GALNTL6: variants seen among roughly 807,000 people sequenced by gnomAD.
GALNTL6 encodes the protein polypeptide N-acetylgalactosaminyltransferase-like 6.
A neutral mutation model predicts 73.7 loss-of-function variants in GALNTL6; 46 were observed. The ratio of observed to expected loss-of-function variants is 0.62; its 90% CI spans 0.49 to 0.80. GALNTL6 has a LOEUF of 0.80. GALNTL6 is among the 30% of genes least tolerant of loss of function. The probability of loss-of-function intolerance (pLI) is 0.00; values close to 1 mark genes in which losing one functional copy is unlikely to be tolerated. For synonymous variants in GALNTL6, 259 were observed against 263.7 expected, an observed-to-expected ratio of 0.98 and a Z score of 0.17; for missense variants, 604 against 755.0, an observed-to-expected ratio of 0.80 and a Z score of 2.34.
intron 2 of GALNTL6, among the ~76,000 whole-genome samples, chr4:172,023,314 T>C (rs1039945779): frequency 6.6e-6 from 1 of 151,742 alleles, no homozygotes; most frequent in African/African-American, 2.4e-5. Flanking sequence ...TTGGCAAATA[T>C]AAAATAATGC....
At chr4:172,675,562 G>A (rs1370366247) in intron 5 of GALNTL6, among the ~76,000 whole-genome samples, 1 of 152,174 alleles carries the variant, frequency 6.6e-6, no homozygotes, top group African/African-American at 2.4e-5. Flanking sequence ...TGCCCCACAA[G>A]CAAGAATGAT....
intron 2 of GALNTL6, among the ~76,000 whole-genome samples, chr4:171,929,083 T>A (rs891057134): frequency 2.0e-5 from 3 of 152,184 alleles, no homozygotes; most frequent in Non-Finnish European, 2.9e-5. Flanking sequence ...TTATTATTTT[T>A]GAGATAAAGT....
chr4:172,778,200 G>C (rs944070560), intron 5 of GALNTL6, among the ~76,000 whole-genome samples: 18 of 152,214 alleles, frequency 1.2e-4, no homozygotes, highest in Admixed American at 3.3e-4. Flanking sequence ...CTATTTAACA[G>C]AGACATCTTT....
At chr4:172,735,875 T>C (rs1736429315) in intron 5 of GALNTL6, among the ~76,000 whole-genome samples, 1 of 152,024 alleles carries the variant, frequency 6.6e-6, no homozygotes, top group Non-Finnish European at 1.5e-5. Context: ...TACAGCTGGG[T>C]CTCCAGGGGT....
chr4:172,635,456 A>G (rs1739625132), intron 5 of GALNTL6, among the ~76,000 whole-genome samples: 1 of 152,082 alleles, frequency 6.6e-6, no homozygotes, highest in Non-Finnish European at 1.5e-5. Flanking sequence ...TGGGTTTTTT[A>G]TCAAGGCAAG....
chr4:172,103,319 G>GT (rs770117756), intron 2 of GALNTL6, among the ~76,000 whole-genome samples: 1 of 152,144 alleles, frequency 6.6e-6, no homozygotes, highest in East Asian at 1.9e-4. Flanking sequence ...ATTTTATGTC[G>GT]TATTAATCTA....
At chr4:172,769,000 C>T (rs369473477) in intron 5 of GALNTL6, among the ~76,000 whole-genome samples, 10 of 151,736 alleles carry the variant, frequency 6.6e-5, no homozygotes, top group African/African-American at 1.5e-4. Flanking sequence ...TTTGCTGGTC[C>T]GCAAACAGAT....
At chr4:171,929,788 C>G (rs921889256) in intron 2 of GALNTL6, among the ~76,000 whole-genome samples, 8 of 152,338 alleles carry the variant, frequency 5.3e-5, no homozygotes, top group Non-Finnish European at 1.2e-4. Context: ...CAGCAGCCAC[C>G]CAGTCCCATG....
At chr4:172,084,818 A>G (rs1731978905) in intron 2 of GALNTL6, among the ~76,000 whole-genome samples, 1 of 152,182 alleles carries the variant, frequency 6.6e-6, no homozygotes, top group African/African-American at 2.4e-5. Flanking sequence ...ATTTACATTT[A>G]CTAAAATATG....
chr4:172,369,042 T>C (rs572094507), intron 5 of GALNTL6, among the ~76,000 whole-genome samples: 25 of 152,284 alleles, frequency 1.6e-4, no homozygotes, highest in African/African-American at 5.8e-4. Context: ...CCTGAGCAGG[T>C]TGCCACTGCA....
At chr4:171,933,285 T>C (rs1738243005) in intron 2 of GALNTL6, among the ~76,000 whole-genome samples, 1 of 152,208 alleles carries the variant, frequency 6.6e-6, no homozygotes, top group Admixed American at 6.5e-5. Context: ...AATAAGAATA[T>C]TTCTGTTTTT....
At chr4:172,582,583 G>A (rs961480612) in intron 5 of GALNTL6, among the ~76,000 whole-genome samples, 5 of 152,156 alleles carry the variant, frequency 3.3e-5, no homozygotes, top group East Asian at 1.9e-4. Context: ...GAGTTAATAT[G>A]TATAATGCAC....
intron 12 of GALNTL6, among the ~76,000 whole-genome samples, chr4:173,027,762 T>C (rs1401789962): frequency 6.6e-6 from 1 of 152,162 alleles, no homozygotes; most frequent in Non-Finnish European, 1.5e-5. Context: ...AATAAAACAG[T>C]CCATTCGTAG....
chr4:172,830,358 G>A (rs990450842), intron 7 of GALNTL6, among the ~76,000 whole-genome samples: 8 of 152,182 alleles, frequency 5.3e-5, no homozygotes, highest in African/African-American at 1.9e-4. Flanking sequence ...AGGCCAGAAT[G>A]GGACTGCTAT....
At chr4:172,019,836 C>T (rs1374500006) in intron 2 of GALNTL6, among the ~76,000 whole-genome samples, 2 of 152,188 alleles carry the variant, frequency 1.3e-5, no homozygotes, top group East Asian at 1.9e-4. Context: ...TAGATATTTA[C>T]AGAACATTTC....
At position 173,041,391 on chromosome 4, in the gene GALNTL6, A is replaced by T. The variant is rs1458822921; in HGVS notation, c.*1291A>T. On this transcript the variant is annotated 3_prime_UTR_variant, in exon 13 of 13. Coordinates refer to ENST00000506823, the MANE Select transcript of GALNTL6 (RefSeq NM_001034845.3). ...TAAAGCAATTTTTTACTGTTCAATA[A>T]TATCACATTGGGGGAAGAAAACACA... 1.3e-5 allele frequency: 2 copies of T among 152,144 alleles called. No individual in the cohort carries two copies. Among genetic ancestry groups the T allele is most frequent in the African/African-American group, 2.4e-5 (1 of 41,444 alleles). 9.4% of individuals were successfully genotyped at this position (152,144 alleles called of 1,614,324 possible).
At chr4:172,988,121 T>C (rs188268822) in intron 10 of GALNTL6, among the ~76,000 whole-genome samples, 237 of 152,262 alleles carry the variant, frequency 1.6e-3, no homozygotes, top group South Asian at 2.9e-3. Context: ...CAGGAAGATA[T>C]GGGAAAGTTT....
intron 5 of GALNTL6, among the ~76,000 whole-genome samples, chr4:172,720,997 A>G (rs1347771882): frequency 6.6e-6 from 1 of 152,210 alleles, no homozygotes; most frequent in South Asian, 2.1e-4. Flanking sequence ...GCATGTCACC[A>G]TAGAAATGGC....
intron 5 of GALNTL6, among the ~76,000 whole-genome samples, chr4:172,418,935 T>C (rs112602232): frequency 0.02 from 1,231 of 62,370 alleles, 11 homozygotes; most frequent in African/African-American, 0.045. Flanking sequence ...TAAAAAGTAG[T>C]TTTCTACGAG....
Sources: gnomAD v4.1 joint callset for allele counts (sites outside exome capture counted in the v4.1 genomes callset) on GRCh38, gnomAD v4.1.1 for gene constraint, MANE v1.5 for transcripts, NCBI Gene and HGNC (gene_info 2026-07-23, HGNC 2026-07-21) for gene names.